Variants in FGF12 observed in about 807,000 individuals in gnomAD.
The protein encoded by FGF12 is fibroblast growth factor 12B.
A neutral mutation model predicts 23.6 loss-of-function variants in FGF12; 14 were observed. The ratio of observed to expected loss-of-function variants is 0.59; its 90% CI spans 0.39 to 0.93. The LOEUF (loss-of-function observed/expected upper bound fraction) is 0.93, where lower values mean the gene tolerates loss of function less well. Ranked by LOEUF, FGF12 falls within the 40% of genes least tolerant of loss-of-function variation. FGF12 has a pLI of 0.00. For synonymous variants in FGF12, 62 were observed against 77.3 expected (o/e 0.80, Z 1.04); for missense variants, 175 against 217.8 (o/e 0.80, Z 1.24).
At chr3:192,144,572 C>T (rs114200756) in intron 5 of FGF12, among the ~76,000 whole-genome samples, 1,914 of 152,232 alleles carry the variant, frequency 0.013, 39 homozygotes, top group African/African-American at 0.044. Context: ...TATTTATTGC[C>T]ATTTCCAGGG....
At chr3:192,154,485 G>T (rs1714236896) in intron 5 of FGF12, among the ~76,000 whole-genome samples, 1 of 141,536 alleles carries the variant, frequency 7.1e-6, no homozygotes, top group Non-Finnish European at 1.6e-5. Context: ...TATACAGATG[G>T]GTTTTCGGTG....
chr3:192,303,162 T>C (rs1266421516), intron 4 of FGF12, among the ~76,000 whole-genome samples: 1 of 152,204 alleles, frequency 6.6e-6, no homozygotes, highest in Non-Finnish European at 1.5e-5. Flanking sequence ...TTAATTGCAA[T>C]GTACTTTTTC....
At chr3:192,377,401 T>C (rs530835760) in intron 2 of FGF12, among the ~76,000 whole-genome samples, 1 of 152,306 alleles carries the variant, frequency 6.6e-6, no homozygotes, top group African/African-American at 2.4e-5. Flanking sequence ...CACATAGAGA[T>C]TTCCCCTTTT....
intron 2 of FGF12, among the ~76,000 whole-genome samples, chr3:192,478,584 T>C (rs1191563976): frequency 6.6e-6 from 1 of 152,192 alleles, no homozygotes; most frequent in Non-Finnish European, 1.5e-5. Context: ...TCAAAGAGTC[T>C]ACTGTATTCA....
chr3:192,608,288 C>T (rs964527734), intron 2 of FGF12, among the ~76,000 whole-genome samples: 3 of 151,998 alleles, frequency 2.0e-5, no homozygotes, highest in Admixed American at 1.3e-4. Flanking sequence ...GTAAAAATAA[C>T]TAAAAGAGTA....
At chr3:192,439,068 A>G (rs1722114935) in intron 2 of FGF12, among the ~76,000 whole-genome samples, 1 of 152,214 alleles carries the variant, frequency 6.6e-6, no homozygotes, top group Non-Finnish European at 1.5e-5. Flanking sequence ...CACCAACATG[A>G]GATCGACTGC....
At chr3:192,323,574 G>T (rs1280420752) in intron 4 of FGF12, among the ~76,000 whole-genome samples, 1 of 152,120 alleles carries the variant, frequency 6.6e-6, no homozygotes, top group Non-Finnish European at 1.5e-5. Context: ...AGGGGGACAT[G>T]GGGAGTAGGG....
intron 4 of FGF12, among the ~76,000 whole-genome samples, chr3:192,215,098 C>T (rs751593448): frequency 7.2e-5 from 11 of 152,304 alleles, no homozygotes; most frequent in East Asian, 1.9e-4. Flanking sequence ...CGGCTCTTCC[C>T]GAACTCTCTA....
intron 2 of FGF12, among the ~76,000 whole-genome samples, chr3:192,610,960 C>T (rs1398658972): frequency 6.6e-6 from 1 of 151,996 alleles, no homozygotes; most frequent in Admixed American, 6.6e-5. Flanking sequence ...TTTATACTCC[C>T]TATAACCGTT....
intron 4 of FGF12, among the ~76,000 whole-genome samples, chr3:192,250,757 C>T (rs1413430964): frequency 6.6e-6 from 1 of 151,778 alleles, no homozygotes; most frequent in East Asian, 1.9e-4. Flanking sequence ...GAATTCAATA[C>T]ATTATGGGGC....
At chr3:192,225,439 A>G (rs987827622) in intron 4 of FGF12, among the ~76,000 whole-genome samples, 4 of 152,122 alleles carry the variant, frequency 2.6e-5, no homozygotes, top group African/African-American at 9.7e-5. Flanking sequence ...TTAATGCATA[A>G]TTATAATCTT....
chr3:192,381,187 C>A (rs1719798292), intron 2 of FGF12, among the ~76,000 whole-genome samples: 1 of 152,094 alleles, frequency 6.6e-6, no homozygotes, highest in African/African-American at 2.4e-5. Context: ...GGTTGGACAT[C>A]TTGACAGACA....
chr3:192,572,203 A>G (rs1223673982), intron 2 of FGF12, among the ~76,000 whole-genome samples: 1 of 152,202 alleles, frequency 6.6e-6, no homozygotes, highest in African/African-American at 2.4e-5. Flanking sequence ...ACTTAATTGA[A>G]GAAAATGAGC....
chr3:192,572,881 T>C (rs1416982108), intron 2 of FGF12, among the ~76,000 whole-genome samples: 2 of 152,158 alleles, frequency 1.3e-5, no homozygotes, highest in African/African-American at 4.8e-5. Flanking sequence ...CATTTCATGG[T>C]CATCCTCATA....
At chr3:192,621,218 T>C (rs538159587) in intron 2 of FGF12, among the ~76,000 whole-genome samples, 2 of 152,306 alleles carry the variant, frequency 1.3e-5, no homozygotes, top group African/African-American at 2.4e-5. Context: ...ATAAATTTCC[T>C]TCCTCAAAAA....
In FGF12 at chr3:192,527,136, G is replaced by A. The variant is rs116070690; in HGVS notation, c.14-166598C>T. Among the ~76,000 whole-genome samples, 704 of 152,228 alleles carry A rather than the reference G, an allele frequency of 4.6e-3. 4 individuals carry two copies. The highest frequency in any genetic ancestry group is 0.016 in the African/African-American group (683 of 41,536). ...CATCAGAGTGGGGCCCTCACAATGG[G>A]ACTGGTGGCTTTATAAGAAGAGGAA... On this transcript the variant is annotated intron_variant, in intron 2 of 5. Transcript: ENST00000445105.
At chr3:192,582,646 T>C (rs1179873410) in intron 2 of FGF12, among the ~76,000 whole-genome samples, 1 of 151,550 alleles carries the variant, frequency 6.6e-6, no homozygotes, top group Admixed American at 6.6e-5. Context: ...TGGTTGGTGA[T>C]TAGAAAATGG....
chr3:192,566,206 T>C (rs1712271400), intron 2 of FGF12, among the ~76,000 whole-genome samples: 1 of 152,222 alleles, frequency 6.6e-6, no homozygotes, highest in Non-Finnish European at 1.5e-5. Context: ...ACCAAATCGC[T>C]CTACTAGTTA....
chr3:192,693,314 T>C (rs1718004687), intron 2 of FGF12, among the ~76,000 whole-genome samples: 2 of 152,142 alleles, frequency 1.3e-5, no homozygotes, highest in African/African-American at 4.8e-5. Context: ...TGTTCATATA[T>C]TGAAATATTA....
Sources: allele counts gnomAD v4.1 joint callset (sites outside exome capture counted in the v4.1 genomes callset), GRCh38; gene constraint gnomAD v4.1.1; transcripts MANE v1.5; gene names NCBI Gene and HGNC (gene_info 2026-07-23, HGNC 2026-07-21).